The following MEF2A variants were observed in gnomAD, a reference collection of about 807,000 sequenced individuals.
The protein encoded by MEF2A is myocyte enhancer factor 2A, also known as myocyte-specific enhancer factor 2A.
In MEF2A, 28 loss-of-function variants were observed where a neutral mutation model predicts 55.8. The ratio of observed to expected loss-of-function variants is 0.50; its 90% CI spans 0.37 to 0.69. The LOEUF (loss-of-function observed/expected upper bound fraction) is 0.69, where lower values mean the gene tolerates loss of function less well. Ranked by LOEUF, MEF2A falls within the 30% of genes least tolerant of loss-of-function variation. The pLI, the probability that MEF2A is intolerant of heterozygous loss-of-function variation, is 0.00. For synonymous variants in MEF2A, 239 were observed against 227.1 expected, an observed-to-expected ratio of 1.05 and a Z score of -0.47; for missense variants, 528 against 626.2, an observed-to-expected ratio of 0.84 and a Z score of 1.67.
intron 2 of MEF2A, among the ~76,000 whole-genome samples, chr15:99,606,272 A>C (rs1975090084): frequency 6.6e-6 from 1 of 152,208 alleles, no homozygotes; most frequent in Non-Finnish European, 1.5e-5. Context: ...TTTCAACATG[A>C]AAGACAAAAC....
At chr15:99,644,787 G>A (rs1011122873) in intron 3 of MEF2A, among the ~76,000 whole-genome samples, 4 of 152,122 alleles carry the variant, frequency 2.6e-5, no homozygotes, top group East Asian at 1.9e-4. Flanking sequence ...TTCCCATCCC[G>A]TATTAGAAGA....
chr15:99,703,443 C>T (rs1053106157), intron 9 of MEF2A, 58 bp downstream of exon 9: 23 of 1,538,174 alleles, frequency 1.5e-5, no homozygotes, highest in Non-Finnish European at 6.2e-6. Context: ...TACTAATTCT[C>T]TTACGTGTTG....
Position 99,626,529 on chromosome 15 carries a change from G to A in MEF2A, c.-142-6449G>A, listed in dbSNP as rs200939131. On this transcript the variant is annotated intron_variant, in intron 2 of 11. Coordinates refer to ENST00000557942, the MANE Select transcript of MEF2A (RefSeq NM_001319206.4). ...CTGCTAGCTTTGAGTTTTCCTTTGG[G>A]GGAAAATCACAGCATCTTAATTTTT... 1.2e-4 allele frequency among the ~76,000 whole-genome samples: 18 copies of A among 151,958 alleles called. No individual in the cohort carries two copies. The East Asian group carries it at 3.5e-3, about 29-fold the overall frequency.
At chr15:99,591,953 G>T (rs1379619473) in intron 1 of MEF2A, among the ~76,000 whole-genome samples, 1 of 151,900 alleles carries the variant, frequency 6.6e-6, no homozygotes, top group Non-Finnish European at 1.5e-5. Flanking sequence ...TCTTTTATCG[G>T]ATTTCCCCCC....
At chr15:99,692,896 AGTG>A (rs1214873533) in intron 8 of MEF2A, among the ~76,000 whole-genome samples, 2 of 152,216 alleles carry the variant, frequency 1.3e-5, no homozygotes, top group African/African-American at 4.8e-5. Flanking sequence ...TATCTCAACC[AGTG>A]GTGAAGGAAC....
chr15:99,687,089 T>TC (rs935630176), intron 7 of MEF2A, among the ~76,000 whole-genome samples: 5 of 134,020 alleles, frequency 3.7e-5, no homozygotes, highest in African/African-American at 1.1e-4. Flanking sequence ...TTTTTCTTTT[T>TC]TTTTTTTTTT....
intron 6 of MEF2A, among the ~76,000 whole-genome samples, chr15:99,674,847 A>G (rs2051611667): frequency 6.6e-6 from 1 of 152,186 alleles, no homozygotes; most frequent in Non-Finnish European, 1.5e-5. Context: ...TTTCCTTCTC[A>G]TGGGAAAGCC....
intron 4 of MEF2A, among the ~76,000 whole-genome samples, chr15:99,666,190 A>G (rs2049655185): frequency 6.6e-6 from 1 of 152,198 alleles, no homozygotes; most frequent in African/African-American, 2.4e-5. Context: ...ATCAACCCAA[A>G]TGCCCATCAG....
intron 1 of MEF2A, among the ~76,000 whole-genome samples, chr15:99,587,243 T>A (rs1967643173): frequency 6.6e-6 from 1 of 152,030 alleles, no homozygotes; most frequent in Non-Finnish European, 1.5e-5. Context: ...GTGTGTGATG[T>A]TCCCCTCCCT....
At chr15:99,677,920 C>T (rs922170712) in intron 7 of MEF2A, among the ~76,000 whole-genome samples, 1 of 151,988 alleles carries the variant, frequency 6.6e-6, no homozygotes, top group African/African-American at 2.4e-5. Flanking sequence ...CTATTTCAGG[C>T]ATGGTGAAAC....
chr15:99,627,054 G>T (rs146943875), intron 2 of MEF2A, among the ~76,000 whole-genome samples: 2 of 152,132 alleles, frequency 1.3e-5, no homozygotes, highest in East Asian at 3.9e-4. Context: ...TTTTCACCTA[G>T]CCATATTTAG....
chr15:99,659,987 G>GTAATTCCAGTATTTCAC (rs1370811342), intron 4 of MEF2A, among the ~76,000 whole-genome samples: 4 of 152,130 alleles, frequency 2.6e-5, no homozygotes, highest in Admixed American at 1.3e-4. Flanking sequence ...TAAGAAGGAA[G>GTAATTCCAGTATTTCAC]TAATTCCAGT....
At chr15:99,662,520 G>T (rs1442146165) in intron 4 of MEF2A, among the ~76,000 whole-genome samples, 1 of 150,562 alleles carries the variant, frequency 6.6e-6, no homozygotes, top group East Asian at 1.9e-4. Context: ...TGTCACCCAG[G>T]CTGGAGTGCA....
At chr15:99,569,889 T>G (rs1031023487) in intron 1 of MEF2A, among the ~76,000 whole-genome samples, 1 of 152,054 alleles carries the variant, frequency 6.6e-6, no homozygotes, top group Non-Finnish European at 1.5e-5. Flanking sequence ...TTATAATAAA[T>G]GGACCTTGTG....
intron 4 of MEF2A, among the ~76,000 whole-genome samples, chr15:99,667,527 CAT>C (rs2050038044): frequency 1.3e-5 from 2 of 152,046 alleles, no homozygotes; most frequent in Admixed American, 1.3e-4. Context: ...CCGGCCGTAA[CAT>C]AGTTTTTTAT....
At chr15:99,635,221 GT>G (rs1278873972) in intron 3 of MEF2A, among the ~76,000 whole-genome samples, 1 of 152,188 alleles carries the variant, frequency 6.6e-6, no homozygotes, top group Non-Finnish European at 1.5e-5. Flanking sequence ...TGATGGAGTG[GT>G]TTAGGGACTA....
At chr15:99,655,730 G>T (rs2047600187) in intron 4 of MEF2A, among the ~76,000 whole-genome samples, 1 of 152,002 alleles carries the variant, frequency 6.6e-6, no homozygotes, top group Non-Finnish European at 1.5e-5. Flanking sequence ...ATGTTCTAAG[G>T]AATAGAATAT....
At chr15:99,701,505 G>C (rs1047226971) in intron 8 of MEF2A, among the ~76,000 whole-genome samples, 2 of 152,224 alleles carry the variant, frequency 1.3e-5, no homozygotes, top group African/African-American at 4.8e-5. Context: ...TCCAGGATCT[G>C]ATCCTGGGTC....
chr15:99,566,784 A>G (rs1454204782), intron 1 of MEF2A, among the ~76,000 whole-genome samples: 2 of 151,948 alleles, frequency 1.3e-5, no homozygotes, highest in African/African-American at 2.4e-5. Flanking sequence ...GTGAGTGTGT[A>G]GATGTCAGTG....
Sources: allele counts gnomAD v4.1 joint callset (sites outside exome capture counted in the v4.1 genomes callset), GRCh38; gene constraint gnomAD v4.1.1; transcripts MANE v1.5; gene names NCBI Gene and HGNC (gene_info 2026-07-23, HGNC 2026-07-21).